Variants in CPD observed in about 807,000 individuals in gnomAD.
The protein encoded by CPD is carboxypeptidase D.
Under a neutral mutation model 138.3 loss-of-function variants are expected in CPD, and 69 were observed. The observed-to-expected ratio is 0.50, with a 90% CI of 0.41 to 0.61. CPD has a LOEUF of 0.61. Ranked by LOEUF, CPD falls within the 20% of genes least tolerant of loss-of-function variation. The pLI is 0.00. For synonymous variants in CPD, 651 were observed against 642.1 expected, an observed-to-expected ratio of 1.01 and a Z score of -0.21; for missense variants, 1,432 against 1,733.3, an observed-to-expected ratio of 0.83 and a Z score of 3.09.
chr17:30,384,307 C>A (rs1248735157), intron 1 of CPD, among the ~76,000 whole-genome samples: 1 of 152,110 alleles, frequency 6.6e-6, no homozygotes, highest in East Asian at 1.9e-4. Flanking sequence ...GAGTGAAACA[C>A]AAAATATCCT....
chr17:30,382,914 G>A (rs921452163), intron 1 of CPD, among the ~76,000 whole-genome samples: 8 of 152,154 alleles, frequency 5.3e-5, no homozygotes, highest in African/African-American at 1.9e-4. Flanking sequence ...TCCCTGAAAC[G>A]TCATTTGGCA....
intron 12 of CPD, 22 bp downstream of exon 12, chr17:30,446,042 C>A: frequency 1.3e-5 from 15 of 1,172,344 alleles, no homozygotes; most frequent in Non-Finnish European, 1.6e-5. Context: ...TTTCTATTGT[C>A]TTTTTTTTTT....
intron 2 of CPD, among the ~76,000 whole-genome samples, chr17:30,386,409 T>A (rs527417640): frequency 4.6e-5 from 7 of 151,958 alleles, no homozygotes; most frequent in Admixed American, 6.5e-5. Flanking sequence ...CTGTTTTTTT[T>A]ATTTTTATTG....
intron 2 of CPD, among the ~76,000 whole-genome samples, chr17:30,408,930 G>T (rs1362543275): frequency 6.6e-6 from 1 of 151,994 alleles, no homozygotes; most frequent in East Asian, 1.9e-4. Flanking sequence ...AACTGGCACA[G>T]TATTCTTGTG....
chr17:30,461,827 C>T (rs1913484013), intron 18 of CPD, 50 bp from the exon 19 acceptor site: 2 of 1,474,650 alleles, frequency 1.4e-6, no homozygotes, highest in Non-Finnish European at 9.2e-7. Flanking sequence ...GTGCCTCTAC[C>T]ATGTCTGGCA....
At chr17:30,411,174 T>C (rs1911958764) in intron 2 of CPD, among the ~76,000 whole-genome samples, 1 of 152,224 alleles carries the variant, frequency 6.6e-6, no homozygotes, top group South Asian at 2.1e-4. Flanking sequence ...TTAAGAATGT[T>C]GAATATTGGC....
At chr17:30,431,386 T>G (rs2143439797) in intron 7 of CPD, among the ~76,000 whole-genome samples, 1 of 152,354 alleles carries the variant, frequency 6.6e-6, no homozygotes, top group South Asian at 2.1e-4. Context: ...GCAAAACATT[T>G]TCCCCCATTC....
At chr17:30,416,583 A>G (rs1912112384) in intron 2 of CPD, among the ~76,000 whole-genome samples, 1 of 152,168 alleles carries the variant, frequency 6.6e-6, no homozygotes, top group African/African-American at 2.4e-5. Flanking sequence ...AACTTGTGCC[A>G]TTCTTCCTTT....
chr17:30,409,937 A>C (rs901107704), intron 2 of CPD, among the ~76,000 whole-genome samples: 1 of 151,860 alleles, frequency 6.6e-6, no homozygotes, highest in Non-Finnish European at 1.5e-5. Flanking sequence ...TAGTTCTTTT[A>C]ATTGTGATGT....
Position 30,379,614 on chromosome 17 carries a change from C to G in CPD, c.634C>G (p.Arg212Gly), listed in dbSNP as rs1451733449. ...PSGASGRDNS[R>G]GRDLNRSFPD... is the part of the protein sequence containing the mutation. Reference sequence around the variant, plus strand: ...CGGGGCCAGCGGCCGCGACAATAGTCGCGGCCGCGACCTCAACCGAAGCTT... The same window carrying G: ...CGGGGCCAGCGGCCGCGACAATAGTGGCGGCCGCGACCTCAACCGAAGCTT... The change falls in exon 1 of 21, where the codon CGC (arginine) becomes GGC (glycine). Residue 212 changes from arginine to glycine, a missense_variant. Coordinates refer to ENST00000225719, the MANE Select transcript of CPD (RefSeq NM_001304.5). The surrounding 1 kb of genome is among the most constrained non-coding windows in gnomAD (Gnocchi z 7.0). The G allele has an allele frequency of 2.0e-5, 30 of 1,468,318 alleles. No individual in the cohort carries two copies. The highest frequency in any genetic ancestry group is 2.5e-5 in the Non-Finnish European group (28 of 1,123,398). The allele number at this position is 1,468,318 out of a possible 1,614,324, so 91.0% of individuals were successfully genotyped here. A position where few individuals can be genotyped will look rare whatever the true frequency, so the allele number is the denominator to read the frequency against.
chr17:30,421,056 A>G (rs1912253814), intron 3 of CPD, 73 bp downstream of exon 3: 2 of 1,282,612 alleles, frequency 1.6e-6, no homozygotes, highest in Non-Finnish European at 2.2e-6. Flanking sequence ...ATGCATGTGA[A>G]TGATAATCTA....
intron 2 of CPD, among the ~76,000 whole-genome samples, chr17:30,410,947 CA>C (rs758060283): frequency 1.8e-5 from 2 of 109,688 alleles, no homozygotes; most frequent in African/African-American, 3.4e-5. Context: ...AGTTTCTTCA[CA>C]GCATGAATGG....
In CPD at chr17:30,449,654, G is replaced by C. The variant is rs764899547; in HGVS notation, c.2975G>C (p.Gly992Ala). ...PEEPKIRFVAGIHGNAPVGTE... is the reference protein window; with the variant it reads ...PEEPKIRFVAAIHGNAPVGTE... Reference sequence around the variant, plus strand: ...GAACCAAAGATTCGTTTTGTTGCTGGTATCCATGGAAATGCGCCAGTTGGA... The same window carrying C: ...GAACCAAAGATTCGTTTTGTTGCTGCTATCCATGGAAATGCGCCAGTTGGA... The change falls in exon 13 of 21, where the codon GGT becomes GCT. Residue 992 changes from glycine (G) to alanine (A), a missense_variant. By Grantham distance (60) the Gly-to-Ala change is moderately conservative (BLOSUM62 0). Coordinates refer to ENST00000225719, the MANE Select transcript of CPD (RefSeq NM_001304.5). The C allele has an allele frequency of 6.2e-6, 10 of 1,608,696 alleles. No individual in the cohort carries two copies. In the South Asian group the frequency reaches 1.1e-4, roughly 18 times the overall value.
At chr17:30,413,005 C>T (rs1245156143) in intron 2 of CPD, among the ~76,000 whole-genome samples, 1 of 152,184 alleles carries the variant, frequency 6.6e-6, no homozygotes, top group Non-Finnish European at 1.5e-5. Flanking sequence ...GGAGCTGTTC[C>T]TATTCGGCCA....
intron 12 of CPD, chr17:30,447,479 G>T (rs1191705225): frequency 1.3e-5 from 2 of 152,124 alleles, no homozygotes; most frequent in South Asian, 2.1e-4. Flanking sequence ...TGCTCTTCCT[G>T]ATAATTATTT....
intron 14 of CPD, among the ~76,000 whole-genome samples, chr17:30,452,290 T>C (rs1913187459): frequency 6.6e-6 from 1 of 151,758 alleles, no homozygotes; most frequent in African/African-American, 2.4e-5. Flanking sequence ...TTCTTTTTTT[T>C]TTTTTTGAGA....
chr17:30,380,738 T>A, intron 1 of CPD: 1 of 856,266 alleles, frequency 1.2e-6, no homozygotes, highest in Non-Finnish European at 1.7e-6. Flanking sequence ...GTGGAAGAGG[T>A]AGAGCTTGAG....
At position 30,445,178 on chromosome 17, in the gene CPD, A is replaced by G. The variant is rs73987930; in HGVS notation, c.2544-513A>G. 6.2e-3 allele frequency among the ~76,000 whole-genome samples: 950 copies of G among 152,174 alleles called. 11 individuals carry two copies. The highest frequency in any genetic ancestry group is 0.022 in the African/African-American group (917 of 41,520). Reference sequence around the variant, plus strand: ...TGAAGCCATATATTTAATCTTAAAAACCTAGGCCAGGTGCGGTGGCTCAGG... The same window carrying G: ...TGAAGCCATATATTTAATCTTAAAAGCCTAGGCCAGGTGCGGTGGCTCAGG... On this transcript the variant is annotated intron_variant, in intron 11 of 20. Transcript: ENST00000225719.
At chr17:30,402,904 C>T (rs1358077556) in intron 2 of CPD, among the ~76,000 whole-genome samples, 1 of 151,928 alleles carries the variant, frequency 6.6e-6, no homozygotes, top group East Asian at 1.9e-4. Flanking sequence ...GTCAAGAATT[C>T]AAGACCAGCC....
Sources: gnomAD v4.1 joint callset for allele counts (sites outside exome capture counted in the v4.1 genomes callset) on GRCh38, gnomAD v4.1.1 for gene constraint, Gnocchi (gnomAD v3.1) non-coding constraint, MANE v1.5 for transcripts, NCBI Gene and HGNC (gene_info 2026-07-23, HGNC 2026-07-21) for gene names.